Variants in FUT8 observed in about 807,000 individuals in gnomAD.
The protein encoded by FUT8 is fucosyltransferase 8, also known as alpha-(1,6)-fucosyltransferase.
In FUT8, 29 loss-of-function variants were observed where a neutral mutation model predicts 71.3. The observed-to-expected ratio is 0.41, with a 90% CI of 0.30 to 0.55. The LOEUF (loss-of-function observed/expected upper bound fraction) is 0.55, where lower values mean the gene tolerates loss of function less well. Ranked by LOEUF, FUT8 falls within the 20% of genes least tolerant of loss-of-function variation. FUT8 has a pLI of 0.34. For synonymous variants in FUT8, 254 were observed against 239.3 expected, an observed-to-expected ratio of 1.06 and a Z score of -0.57; for missense variants, 544 against 702.1, an observed-to-expected ratio of 0.77 and a Z score of 2.55.
intron 6 of FUT8, among the ~76,000 whole-genome samples, chr14:65,641,750 G>A (rs1890849600): frequency 1.2e-5 from 1 of 84,330 alleles, no homozygotes; most frequent in Non-Finnish European, 2.9e-5. Context: ...TTGTGTGTAT[G>A]TGGTTTTTTT....
At chr14:65,391,648 C>T in the FUT8 span, among the ~76,000 whole-genome samples, 15 of 152,228 alleles carry the variant, frequency 9.9e-5, no homozygotes, top group South Asian at 6.2e-4. Context: ...GCCACTGTAC[C>T]TGGCTAATTT....
intron 2 of FUT8, among the ~76,000 whole-genome samples, chr14:65,542,149 A>G (rs759409833): frequency 6.6e-6 from 1 of 152,352 alleles, no homozygotes; most frequent in Admixed American, 6.5e-5. Context: ...TTCAGGAAAC[A>G]CTATATAAAT....
In FUT8 at chr14:65,680,412, TA is replaced by T. The variant is rs1392653388; in HGVS notation, c.835+10933del. 2.0e-5 allele frequency among the ~76,000 whole-genome samples: 3 copies of T among 152,376 alleles called. No homozygotes were observed. The South Asian group carries it at 6.2e-4, about 32-fold the overall frequency. ...TAAGGGTTAAGACCATTGTTTTCCGTATTTTTATTCATTTGTTCTAGCCTTA... is the reference window on the plus strand; with the variant it reads ...TAAGGGTTAAGACCATTGTTTTCCGTTTTTTATTCATTTGTTCTAGCCTTA... On this transcript the variant is annotated intron_variant, in intron 7 of 10. Coordinates refer to ENST00000673929, the MANE Select transcript of FUT8 (RefSeq NM_001371533.1).
At chr14:65,419,761 A>G (rs1350063850) in intron 1 of FUT8, among the ~76,000 whole-genome samples, 1 of 152,164 alleles carries the variant, frequency 6.6e-6, no homozygotes, top group Non-Finnish European at 1.5e-5. Context: ...GGGGTTAGGC[A>G]GGTTGTAACT....
In FUT8 at chr14:65,637,450, C is replaced by T. The variant is rs56258162; in HGVS notation, c.597+7844C>T. Among the ~76,000 whole-genome samples, 1,213 of 152,112 alleles carry T rather than the reference C, an allele frequency of 8.0e-3. 9 individuals are homozygous for T. Among genetic ancestry groups the T allele is most frequent in the African/African-American group, 0.024 (1,008 of 41,486 alleles). On this transcript the variant is annotated intron_variant, in intron 6 of 10. Transcript: ENST00000673929. ...AATAGCCTCTGCAGAAGGATATCTC[C>T]GAGTTTAACTTGAAATTATCTGTCT...
At chr14:65,704,622 G>A (rs1292499910) in intron 7 of FUT8, among the ~76,000 whole-genome samples, 1 of 152,190 alleles carries the variant, frequency 6.6e-6, no homozygotes, top group African/African-American at 2.4e-5. Flanking sequence ...TCATCAAAGA[G>A]ACTGTTGGCA....
chr14:65,468,328 C>G (rs1261128717), intron 2 of FUT8: 1 of 599,260 alleles, frequency 1.7e-6, no homozygotes, highest in African/African-American at 1.9e-5. Context: ...TCTCTTCTTT[C>G]CCTTTGTGTT....
In FUT8 at chr14:65,669,166, A is replaced by C. The variant is rs1393287098; in HGVS notation, c.598-77A>C. The C allele has an allele frequency of 3.6e-6, 4 of 1,111,904 alleles. No individual in the cohort carries two copies. The highest frequency in any genetic ancestry group is 5.2e-6 in the Non-Finnish European group (4 of 768,370). The allele number at this position is 1,111,904 out of a possible 1,614,324, so 68.9% of individuals were successfully genotyped here. A position where few individuals can be genotyped will look rare whatever the true frequency, so the allele number is the denominator to read the frequency against. On this transcript the variant is annotated intron_variant, in intron 6 of 10. Coordinates refer to ENST00000673929, the MANE Select transcript of FUT8 (RefSeq NM_001371533.1). The surrounding 1 kb of genome is among the most constrained non-coding windows in gnomAD (Gnocchi z 4.5). ...CCTGCATGTGTACCCCTGAAGATGA[A>C]AGATTAAAAAAAAAAAAGAGCAGTT... is the stretch of plus-strand genomic sequence containing the variant.
chr14:65,718,138 T>C (rs571904263), intron 7 of FUT8, among the ~76,000 whole-genome samples: 28 of 152,206 alleles, frequency 1.8e-4, no homozygotes, highest in Non-Finnish European at 3.2e-4. Flanking sequence ...TGGTCTTCTC[T>C]TCCTTCTTTC....
upstream of FUT8, chr14:65,412,146 T>C: frequency 2.2e-6 from 1 of 456,616 alleles, no homozygotes; most frequent in Non-Finnish European, 4.4e-6. Flanking sequence ...GGTCTTTCTC[T>C]TCGAGTGAAT....
chr14:65,369,700 A>C, the FUT8 span, among the ~76,000 whole-genome samples: 1 of 152,234 alleles, frequency 6.6e-6, no homozygotes, highest in Non-Finnish European at 1.5e-5. The surrounding 1 kb of genome is among the most constrained non-coding windows in gnomAD (Gnocchi z 4.6). Context: ...CCATGGCAAT[A>C]TCAGAAAGTT....
At chr14:65,615,114 C>T (rs777330517) in intron 3 of FUT8, among the ~76,000 whole-genome samples, 3 of 151,902 alleles carry the variant, frequency 2.0e-5, no homozygotes, top group South Asian at 4.2e-4. Context: ...TTTATTTTTT[C>T]GAGACAGGGT....
chr14:65,678,678 C>T (rs12883382), intron 7 of FUT8, among the ~76,000 whole-genome samples: 53,809 of 151,974 alleles, frequency 0.35, 11,817 homozygotes, highest in Non-Finnish European at 0.5. Flanking sequence ...TGGGAGCTAA[C>T]GCTTAGGAAT....
chr14:65,469,791 C>G (rs987357855), intron 2 of FUT8, among the ~76,000 whole-genome samples: 2 of 152,222 alleles, frequency 1.3e-5, no homozygotes, highest in Admixed American at 6.5e-5. Flanking sequence ...CTGGCTGTCT[C>G]TCTGGCCTCT....
At chr14:65,427,165 A>G (rs575584815) in intron 1 of FUT8, among the ~76,000 whole-genome samples, 9 of 152,234 alleles carry the variant, frequency 5.9e-5, no homozygotes, top group Non-Finnish European at 1.3e-4. Context: ...CCTGGCCTAC[A>G]TAACACATTT....
At chr14:65,522,639 T>A (rs554129764) in intron 2 of FUT8, among the ~76,000 whole-genome samples, 2 of 152,204 alleles carry the variant, frequency 1.3e-5, no homozygotes, top group Admixed American at 1.3e-4. Context: ...TTGTTACATA[T>A]GTATACATGT....
chr14:65,636,521 C>G (rs1890566639), intron 6 of FUT8: 1 of 151,938 alleles, frequency 6.6e-6, no homozygotes, highest in African/African-American at 2.4e-5. Context: ...TTGCCATATC[C>G]CAGAGGTTAT....
intron 10 of FUT8, among the ~76,000 whole-genome samples, chr14:65,734,202 A>G (rs1300954343): frequency 6.6e-6 from 1 of 152,198 alleles, no homozygotes; most frequent in Admixed American, 6.5e-5. Flanking sequence ...TGAAATAACT[A>G]GAGAATAATT....
At chr14:65,559,187 G>T (rs1885765586) in intron 2 of FUT8, among the ~76,000 whole-genome samples, 1 of 151,850 alleles carries the variant, frequency 6.6e-6, no homozygotes, top group African/African-American at 2.4e-5. Flanking sequence ...AGCTACCTTT[G>T]CTTTGGTTGT....
Sources: gnomAD v4.1 joint callset for allele counts (sites outside exome capture counted in the v4.1 genomes callset) on GRCh38, gnomAD v4.1.1 for gene constraint, Gnocchi (gnomAD v3.1) non-coding constraint, MANE v1.5 for transcripts, NCBI Gene and HGNC (gene_info 2026-07-23, HGNC 2026-07-21) for gene names.